Variants in SUPT16H observed in about 807,000 individuals in gnomAD.
The protein encoded by SUPT16H is FACT complex subunit SPT16.
SUPT16H carries 24 observed loss-of-function variants against 136.2 expected under a neutral mutation model. The observed-to-expected ratio is 0.18, with a 90% CI of 0.13 to 0.25. The LOEUF is 0.25. Ranked by LOEUF, SUPT16H falls within the 10% of genes least tolerant of loss-of-function variation. The probability of loss-of-function intolerance (pLI) is 1.00; values close to 1 mark genes in which losing one functional copy is unlikely to be tolerated. For synonymous variants in SUPT16H, 415 were observed against 428.2 expected, an observed-to-expected ratio of 0.97 and a Z score of 0.38; for missense variants, 623 against 1,270.2, an observed-to-expected ratio of 0.49 and a Z score of 7.74.
At chr14:21,374,974 G>A (rs1241811572) in intron 1 of SUPT16H, among the ~76,000 whole-genome samples, 1 of 151,886 alleles carries the variant, frequency 6.6e-6, no homozygotes, top group Admixed American at 6.6e-5. Context: ...TTTTTATGTC[G>A]TTTTGATGAC....
intron 22 of SUPT16H, among the ~76,000 whole-genome samples, chr14:21,355,454 C>T (rs1359607104): frequency 1.3e-5 from 2 of 148,580 alleles, no homozygotes; most frequent in Non-Finnish European, 3.0e-5. Flanking sequence ...GATCGTGCCA[C>T]TGCACTCCAG....
intron 4 of SUPT16H, 55 bp from the exon 5 acceptor site, chr14:21,369,951 A>G: frequency 6.3e-7 from 1 of 1,587,178 alleles, no homozygotes; most frequent in Non-Finnish European, 8.6e-7. Flanking sequence ...TACAAAATAA[A>G]TGCATCTCTC....
At chr14:21,358,079 T>A in intron 20 of SUPT16H, 77 bp from the exon 21 acceptor site, 1 of 1,341,486 alleles carries the variant, frequency 7.5e-7, no homozygotes, top group Non-Finnish European at 1.1e-6. Flanking sequence ...ACTTCTTCCC[T>A]CTCCCCATTC....
chr14:21,376,732 C>T (rs1886910248), intron 1 of SUPT16H, among the ~76,000 whole-genome samples: 1 of 152,034 alleles, frequency 6.6e-6, no homozygotes, highest in Non-Finnish European at 1.5e-5. Context: ...CGTAAAAGTC[C>T]TTGATGAAGT....
intron 6 of SUPT16H, 141 bp from the exon 7 acceptor site, chr14:21,368,582 G>T: frequency 1.0e-6 from 1 of 989,084 alleles, no homozygotes; most frequent in Non-Finnish European, 1.4e-6. Context: ...AAACTTTTTT[G>T]TGTTTTGTTT....
At chr14:21,368,146 T>C (rs1886710403) in intron 7 of SUPT16H, 123 bp downstream of exon 7, 2 of 997,118 alleles carry the variant, frequency 2.0e-6, no homozygotes, top group Non-Finnish European at 2.9e-6. Flanking sequence ...CTTGAACTCC[T>C]GGATTCAAGT....
chr14:21,384,016 T>G lies in SUPT16H; in HGVS notation c.-89A>C, dbSNP rs989323631. 44 of 1,463,452 alleles carry G rather than the reference T, an allele frequency of 3.0e-5. No homozygotes were observed. Among genetic ancestry groups the G allele is most frequent in the African/African-American group, 7.0e-5 (5 of 71,658 alleles). The allele number at this position is 1,463,452 out of a possible 1,614,324, so 90.7% of individuals were successfully genotyped here. ...CTCTCGGCCCAGGAATCCCGCACTC[T>G]CCCAATGACCCGGAAGTATCGACCT... is the stretch of plus-strand genomic sequence containing the variant. On this transcript the variant is annotated 5_prime_UTR_variant, in exon 1 of 26. Coordinates refer to ENST00000216297, the MANE Select transcript of SUPT16H (RefSeq NM_007192.4).
intron 1 of SUPT16H, among the ~76,000 whole-genome samples, chr14:21,378,602 A>G (rs1173030698): frequency 2.0e-5 from 3 of 152,212 alleles, no homozygotes; most frequent in African/African-American, 7.2e-5. Context: ...TCAATGTGTC[A>G]GGAGAAAAAT....
intron 19 of SUPT16H, among the ~76,000 whole-genome samples, 150 bp downstream of exon 19, chr14:21,359,312 CTCGAACTCCTGACCCTCAGGTG>C: frequency 6.6e-6 from 1 of 151,596 alleles, no homozygotes; most frequent in Non-Finnish European, 1.5e-5. Context: ...CCAGGCTGGT[CTCGAACTCCTGACCCTCAGGTG>C]ATCTGCCCAT....
chr14:21,369,973 T>C, intron 4 of SUPT16H, 77 bp from the exon 5 acceptor site: 2 of 1,512,774 alleles, frequency 1.3e-6, no homozygotes, highest in South Asian at 1.2e-5. Context: ...AATTTGAATA[T>C]TACCAGTGAT....
At chr14:21,381,786 C>CTTTTT (rs5807076) in intron 1 of SUPT16H, among the ~76,000 whole-genome samples, 1 of 132,412 alleles carries the variant, frequency 7.6e-6, no homozygotes, top group African/African-American at 2.8e-5. Context: ...ATTTATTTGC[C>CTTTTT]TTTTTTTTTT....
At position 21,360,949 on chromosome 14, in the gene SUPT16H, C is replaced by A. The variant is rs765735984; in HGVS notation, c.1953G>T (p.Leu651=). The A allele has an allele frequency of 6.2e-7, 1 of 1,614,044 alleles. No individual in the cohort carries two copies. Among genetic ancestry groups the A allele is most frequent in the East Asian group, 2.2e-5 (1 of 44,884 alleles). The stretch of plus-strand genomic sequence containing the variant: ...GATTACTCCGGTTTAGATTGATCAC[C>A]AGTGAGTCTTGTTTTACAATCCCCT... ...EKEGIVKQDS[L]VINLNRSNPK... is the part of the protein sequence containing the mutation. The change falls in exon 17 of 26, where the codon CTG becomes CTT. Residue 651 remains leucine, a synonymous_variant. Coordinates refer to ENST00000216297, the MANE Select transcript of SUPT16H (RefSeq NM_007192.4).
chr14:21,383,913 C>T lies in SUPT16H; in HGVS notation c.15G>A (p.Leu5=). MAVT[L]DKDAYYRRVK... ...CTCGCCGATAATAAGCGTCTTTGTC[C>T]AGAGTCACAGCCATAGCCCCGGACG... Residue 5 remains leucine (L), a synonymous_variant, in exon 1 of 26, where the codon CTG becomes CTA. Transcript: ENST00000216297. 2 of 1,612,712 alleles carry T rather than the reference C, an allele frequency of 1.2e-6. No individual in the cohort carries two copies. The highest frequency in any genetic ancestry group is 1.1e-5 in the South Asian group (1 of 91,012).
intron 15 of SUPT16H, among the ~76,000 whole-genome samples, chr14:21,361,825 A>G (rs545899382): frequency 6.6e-6 from 1 of 152,078 alleles, no homozygotes; most frequent in African/African-American, 2.4e-5. Flanking sequence ...GATGGAGTAC[A>G]GGCAAGATCA....
At chr14:21,355,121 G>C (rs190994083) in intron 22 of SUPT16H, among the ~76,000 whole-genome samples, 85 of 152,218 alleles carry the variant, frequency 5.6e-4, no homozygotes, top group East Asian at 2.5e-3. Context: ...CTCTGTCACT[G>C]ATTCCATTCT....
At chr14:21,356,110 C>A (rs751384807) in intron 22 of SUPT16H, among the ~76,000 whole-genome samples, 2 of 152,126 alleles carry the variant, frequency 1.3e-5, no homozygotes, top group Non-Finnish European at 2.9e-5. Flanking sequence ...GGAACTGAGA[C>A]AAAGTAGGAT....
At chr14:21,366,630 A>C in intron 7 of SUPT16H, 101 bp from the exon 8 acceptor site, 1 of 1,136,840 alleles carries the variant, frequency 8.8e-7, no homozygotes, top group East Asian at 2.4e-5. Context: ...AGTGTTTCTC[A>C]AAGTGTGAAC....
At chr14:21,380,791 G>A (rs973555527) in intron 1 of SUPT16H, among the ~76,000 whole-genome samples, 1 of 152,022 alleles carries the variant, frequency 6.6e-6, no homozygotes, top group Admixed American at 6.6e-5. Context: ...AGATATGCCT[G>A]GATATTGTAC....
chr14:21,374,816 G>C (rs1247815517), intron 1 of SUPT16H, among the ~76,000 whole-genome samples: 1 of 152,104 alleles, frequency 6.6e-6, no homozygotes, highest in African/African-American at 2.4e-5. Context: ...TTTCTCTTGG[G>C]TATACATATA....
Sources: gnomAD v4.1 joint callset for allele counts (sites outside exome capture counted in the v4.1 genomes callset) on GRCh38, gnomAD v4.1.1 for gene constraint, MANE v1.5 for transcripts, NCBI Gene and HGNC (gene_info 2026-07-23, HGNC 2026-07-21) for gene names.